PMP22: variants seen among roughly 807,000 people sequenced by gnomAD.
The protein encoded by PMP22 is Charcot-Marie-Tooth neuropathy 1A (greatly reduced nerve conduction velocity, hereditary motor sensory neuropathy Ia).
Under a neutral mutation model 18.9 loss-of-function variants are expected in PMP22, and 2 were observed. The ratio of observed to expected loss-of-function variants is 0.11; its 90% CI spans 0.04 to 0.33. The LOEUF (loss-of-function observed/expected upper bound fraction) is 0.33. Ranked by LOEUF, PMP22 falls within the 10% of genes least tolerant of loss-of-function variation. The pLI, the probability that PMP22 is intolerant of heterozygous loss-of-function variation, is 1.00. For missense variants in PMP22, 169 were observed against 202.2 expected (o/e 0.84, Z 1.00); for synonymous variants, 95 against 89.2 (o/e 1.07, Z -0.37).
chr17:15,239,357 T>C (rs889427649), intron 4 of PMP22, 114 bp downstream of exon 4: 2 of 1,203,896 alleles, frequency 1.7e-6, no homozygotes, highest in East Asian at 2.3e-5. Flanking sequence ...AAGCATCCAG[T>C]GGGGAGACTC....
chr17:15,263,055 C>T (rs1460974265), intron 1 of PMP22, among the ~76,000 whole-genome samples: 3 of 152,228 alleles, frequency 2.0e-5, no homozygotes, highest in African/African-American at 7.2e-5. Context: ...GGCGTCTTAG[C>T]CGGACACACC....
chr17:15,242,266 A>AG (rs1217553384), intron 3 of PMP22, among the ~76,000 whole-genome samples: 1 of 150,974 alleles, frequency 6.6e-6, no homozygotes, highest in East Asian at 1.9e-4. Flanking sequence ...AAAAAAAAAA[A>AG]AAAAAAAAAG....
intron 3 of PMP22, among the ~76,000 whole-genome samples, chr17:15,242,813 C>A (rs936539294): frequency 6.6e-6 from 1 of 152,070 alleles, no homozygotes; most frequent in African/African-American, 2.4e-5. Context: ...CAAAGAATAT[C>A]TCAATAAATA....
chr17:15,255,237 C>G (rs546461848), intron 3 of PMP22, among the ~76,000 whole-genome samples: 151 of 152,324 alleles, frequency 9.9e-4, no homozygotes, highest in Middle Eastern at 3.4e-3. Context: ...ACCAGGCTTA[C>G]AGAGAGGTAT....
intron 3 of PMP22, among the ~76,000 whole-genome samples, chr17:15,250,552 C>T (rs998354057): frequency 2.0e-5 from 3 of 152,170 alleles, no homozygotes; most frequent in Non-Finnish European, 4.4e-5. Flanking sequence ...CTACACCTTC[C>T]CGCAAATCTT....
rs1198045389 is a variant in PMP22, at chr17:15,230,664, C to T, written c.*253G>A. On this transcript the variant is annotated 3_prime_UTR_variant, in exon 5 of 5. Transcript: ENST00000312280. ...TTAGCTACTTCTTTAAGGCTCAACA[C>T]GAGGCTGATGGTCAACATAAAAAGC... is the stretch of plus-strand genomic sequence containing the variant. 1.4e-5 allele frequency: 7 copies of T among 513,574 alleles called. No individual in the cohort carries two copies. Among genetic ancestry groups the T allele is most frequent in the African/African-American group, 5.8e-5 (3 of 51,968 alleles). The allele number at this position is 513,574 out of a possible 1,614,324, so 31.8% of individuals were successfully genotyped here.
At chr17:15,239,667 G>C in intron 3 of PMP22, 56 bp from the exon 4 acceptor site, 1 of 1,592,788 alleles carries the variant, frequency 6.3e-7, no homozygotes, top group Non-Finnish European at 8.6e-7. Context: ...GGAGGGCTCT[G>C]CCTCGAGGTG....
At chr17:15,245,669 A>G (rs993890543) in intron 3 of PMP22, among the ~76,000 whole-genome samples, 2 of 152,180 alleles carry the variant, frequency 1.3e-5, no homozygotes, top group Non-Finnish European at 2.9e-5. Context: ...TTGAGGGGCC[A>G]GGTTCTGGAG....
At position 15,258,861 on chromosome 17, in the gene PMP22, T is replaced by C; in HGVS notation, c.178+233A>G. On this transcript the variant is annotated intron_variant, in intron 3 of 4. Coordinates refer to ENST00000312280, the MANE Select transcript of PMP22 (RefSeq NM_000304.4). This position sits in a 1 kb window ranked among gnomAD's most constrained non-coding sequence, Gnocchi z 4.1. The stretch of plus-strand genomic sequence containing the variant: ...TTATCCTAAGTGATCAGGAGGGCAC[T>C]AAGGGCATGTCTCTAGGTAGAGTGA... 1 of 591,930 alleles carries C rather than the reference T, an allele frequency of 1.7e-6. No homozygotes were observed. The highest frequency in any genetic ancestry group is 3.1e-6 in the Non-Finnish European group (1 of 326,270). 36.7% of individuals were successfully genotyped at this position (591,930 alleles called of 1,614,324 possible). A position where few individuals can be genotyped will look rare whatever the true frequency, so the allele number is the denominator to read the frequency against.
intron 3 of PMP22, among the ~76,000 whole-genome samples, chr17:15,249,370 A>G (rs1908124304): frequency 6.6e-6 from 1 of 152,210 alleles, no homozygotes; most frequent in Non-Finnish European, 1.5e-5. Context: ...AGGTTACCTA[A>G]TTTGTTACAG....
At chr17:15,247,512 C>T (rs915485259) in intron 3 of PMP22, among the ~76,000 whole-genome samples, 6 of 152,202 alleles carry the variant, frequency 3.9e-5, no homozygotes, top group Admixed American at 2.6e-4. Context: ...TAGTGGGAAG[C>T]TCGAGTTGCA....
Position 15,239,616 on chromosome 17 carries a change from G to A in PMP22, c.179-5C>T, listed in dbSNP as rs753459194. ...CCTGGACAGACTGCAGCCATTCTGGGGGAAAGAGACACTTGGTTAGGAGAG... is the reference window on the plus strand; with the variant it reads ...CCTGGACAGACTGCAGCCATTCTGGAGGAAAGAGACACTTGGTTAGGAGAG... On this transcript the variant is annotated splice_region_variant and splice_polypyrimidine_tract_variant and intron_variant, in intron 3 of 4. Transcript: ENST00000312280. The A allele has an allele frequency of 1.2e-6, 2 of 1,613,660 alleles. No individual in the cohort carries two copies. The highest frequency in any genetic ancestry group is 1.3e-5 in the African/African-American group (1 of 74,938).
chr17:15,239,205 TG>T (rs1443876751), intron 4 of PMP22: 3 of 608,420 alleles, frequency 4.9e-6, no homozygotes, highest in Non-Finnish European at 8.7e-6. Flanking sequence ...CTGGCTTGGG[TG>T]GGGACCTTCC....
intron 3 of PMP22, among the ~76,000 whole-genome samples, chr17:15,252,492 C>T (rs1035473558): frequency 2.6e-5 from 4 of 152,134 alleles, no homozygotes; most frequent in South Asian, 2.1e-4. Context: ...GTGCTGGTCC[C>T]GCCCACACAC....
Position 15,230,797 on chromosome 17 carries a change from TGTTTG to T in PMP22, c.*115_*119del, listed in dbSNP as rs112829799. On this transcript the variant is annotated 3_prime_UTR_variant, in exon 5 of 5. Transcript: ENST00000312280. ...AGCAACCCCCACCTCCACTGCTTTC[TGTTTG>T]GTTTGGTTTGAGTTTGGGATTTTGG... 0.014 allele frequency: 14,653 copies of T among 1,041,154 alleles called. 722 individuals are homozygous for T. The East Asian group carries it at 0.17, about 12-fold the overall frequency. 64.5% of individuals were successfully genotyped at this position (1,041,154 alleles called of 1,614,324 possible).
At chr17:15,264,507 T>C (rs1909582750) in intron 1 of PMP22, among the ~76,000 whole-genome samples, 1 of 152,252 alleles carries the variant, frequency 6.6e-6, no homozygotes, top group South Asian at 2.1e-4. Context: ...GGGTTTTCTT[T>C]CCCTTCCTTT....
chr17:15,260,921 C>T (rs1011129098), intron 1 of PMP22, 160 bp from the exon 2 acceptor site: 1 of 418,692 alleles, frequency 2.4e-6, no homozygotes, highest in Non-Finnish European at 4.1e-6. Flanking sequence ...CGCCTGCCGC[C>T]GAGAGGGGGC....
At chr17:15,253,331 T>G (rs1908526951) in intron 3 of PMP22, among the ~76,000 whole-genome samples, 1 of 152,118 alleles carries the variant, frequency 6.6e-6, no homozygotes, top group South Asian at 2.1e-4. Context: ...TATTTTCTGA[T>G]TGTGAAAATA....
rs1315474014 is a variant in PMP22, at chr17:15,231,039, G to A, written c.361C>T (p.His121Tyr). Residue 121 changes from histidine to tyrosine, a missense_variant, in exon 5 of 5, where the codon CAC (histidine) becomes TAC (tyrosine). Coordinates refer to ENST00000312280, the MANE Select transcript of PMP22 (RefSeq NM_000304.4). ...MSAAAIYTVR[H>Y]PEWHLNSDYS... ...TCCGAGTTGAGATGCCACTCCGGGTGCCTCACCGTGTAGATGGCCGCAGCA... is the reference window on the plus strand; with the variant it reads ...TCCGAGTTGAGATGCCACTCCGGGTACCTCACCGTGTAGATGGCCGCAGCA... 1.2e-6 allele frequency: 2 copies of A among 1,614,114 alleles called. No homozygotes were observed. Among genetic ancestry groups the A allele is most frequent in the Admixed American group, 1.7e-5 (1 of 60,024 alleles).
Sources: allele counts gnomAD v4.1 joint callset (sites outside exome capture counted in the v4.1 genomes callset), GRCh38; gene constraint gnomAD v4.1.1; non-coding constraint Gnocchi (gnomAD v3.1); transcripts MANE v1.5; gene names NCBI Gene and HGNC (gene_info 2026-07-23, HGNC 2026-07-21).